CDH1: variants seen among roughly 807,000 people sequenced by gnomAD.
CDH1 encodes cadherin-1.
A neutral mutation model predicts 84.5 loss-of-function variants in CDH1; 35 were observed. The observed-to-expected ratio is 0.41, with a 90% CI of 0.32 to 0.55. CDH1 has a LOEUF of 0.55. CDH1 is among the 20% of genes least tolerant of loss of function. The probability of loss-of-function intolerance (pLI) is 0.19; values close to 1 mark genes in which losing one functional copy is unlikely to be tolerated. For missense variants in CDH1, 994 were observed against 1,126.6 expected (o/e 0.88, Z 1.68); for synonymous variants, 417 against 439.0 (o/e 0.95, Z 0.63).
rs952792970 is a variant in CDH1, at chr16:68,793,180, G to A, written c.164-8490G>A. Among the ~76,000 whole-genome samples, 8 of 151,590 alleles carry A rather than the reference G, an allele frequency of 5.3e-5. No homozygotes were observed. The South Asian group carries it at 1.5e-3, about 28-fold the overall frequency. On this transcript the variant is annotated intron_variant, in intron 2 of 15. Coordinates refer to ENST00000261769, the MANE Select transcript of CDH1 (RefSeq NM_004360.5). ...ACCTGCTTATCTTCCCTGGAAAAAT[G>A]TTGTGGTTGACGTTGGCAGTTTAGA...
chr16:68,798,153 T>G (rs1960412339), intron 2 of CDH1, among the ~76,000 whole-genome samples: 1 of 152,110 alleles, frequency 6.6e-6, no homozygotes, highest in Non-Finnish European at 1.5e-5. Flanking sequence ...TTGTTGGGAT[T>G]TGGTTTTTAC....
At chr16:68,807,727 A>G (rs1299403045) in intron 3 of CDH1, among the ~76,000 whole-genome samples, 2 of 151,994 alleles carry the variant, frequency 1.3e-5, no homozygotes, top group African/African-American at 4.8e-5. Context: ...GAAAACCCAA[A>G]TATTCAGTTG....
At chr16:68,786,330 C>A (rs1394484582) in intron 2 of CDH1, among the ~76,000 whole-genome samples, 1 of 151,886 alleles carries the variant, frequency 6.6e-6, no homozygotes, top group Non-Finnish European at 1.5e-5. Context: ...CGCCACCATG[C>A]CTGGCTTGTT....
rs780687025 is a variant in CDH1 at position 68,780,726 on chromosome 16, C to CTGGCTAGTA, written c.164-20943_164-20935dup. Among the ~76,000 whole-genome samples the CTGGCTAGTA allele has an allele frequency of 6.7e-4, 102 of 152,340 alleles. 1 individual carries two copies. The highest frequency in any genetic ancestry group is 3.4e-3 in the Middle Eastern group (1 of 294). On this transcript the variant is annotated intron_variant, in intron 2 of 15. Coordinates refer to ENST00000261769, the MANE Select transcript of CDH1 (RefSeq NM_004360.5). ...CCCATAACTTCATGCGTCTTCAAAG[C>CTGGCTAGTA]TGGCTAGTACTGCACCTCATTCTCG...
chr16:68,791,682 A>G (rs1036893881), intron 2 of CDH1, among the ~76,000 whole-genome samples: 2 of 152,132 alleles, frequency 1.3e-5, no homozygotes, highest in African/African-American at 4.8e-5. Flanking sequence ...TCGGCCTCCC[A>G]AAGTGCTGGG....
In CDH1 at chr16:68,801,902, G is replaced by C. The variant is rs1296702309; in HGVS notation, c.387+9G>C. On this transcript the variant is annotated intron_variant, in intron 3 of 15. Transcript: ENST00000261769. ...GCCCCCCGCCCCATCAGGTATGTTG[G>C]CATTTTTCTGAGAAGTTCGCTGTTG... 6.2e-7 allele frequency: 1 copy of C among 1,608,664 alleles called. No individual in the cohort carries two copies.
intron 2 of CDH1, among the ~76,000 whole-genome samples, chr16:68,759,637 G>A (rs868687405): frequency 5.3e-5 from 8 of 151,818 alleles, no homozygotes; most frequent in African/African-American, 1.2e-4. Context: ...TTACAGGCGC[G>A]TACCACCATG....
At chr16:68,829,842 C>T (rs1344736050) in intron 15 of CDH1, 45 bp downstream of exon 15, 8 of 1,590,564 alleles carry the variant, frequency 5.0e-6, no homozygotes, top group Non-Finnish European at 6.9e-6. Flanking sequence ...CATCTCTAAG[C>T]TCAGGAGGAG....
At chr16:68,751,519 T>TATTTATTC (rs1387868309) in intron 2 of CDH1, among the ~76,000 whole-genome samples, 1 of 152,084 alleles carries the variant, frequency 6.6e-6, no homozygotes, top group African/African-American at 2.4e-5. Flanking sequence ...TTTATTTATT[T>TATTTATTC]AGAGACGGAG....
At chr16:68,805,417 C>T (rs2152128458) in intron 3 of CDH1, among the ~76,000 whole-genome samples, 1 of 152,258 alleles carries the variant, frequency 6.6e-6, no homozygotes, top group Admixed American at 6.5e-5. Context: ...TGATGTTTTG[C>T]CAGCACAGTG....
chr16:68,780,583 G>T (rs1056832776), intron 2 of CDH1, among the ~76,000 whole-genome samples: 2 of 152,154 alleles, frequency 1.3e-5, no homozygotes, highest in African/African-American at 4.8e-5. Flanking sequence ...CGGCCACCAT[G>T]CCCAGCACCT....
chr16:68,792,387 G>A (rs564821192), intron 2 of CDH1, among the ~76,000 whole-genome samples: 2 of 152,044 alleles, frequency 1.3e-5, no homozygotes, highest in Non-Finnish European at 2.9e-5. Context: ...GCGCCACCAC[G>A]CCTGGCTAAT....
chr16:68,771,551 A>T (rs2152120827), intron 2 of CDH1, among the ~76,000 whole-genome samples: 1 of 152,136 alleles, frequency 6.6e-6, no homozygotes. Context: ...CAAGAGATCG[A>T]GACCATCCTG....
intron 14 of CDH1, 67 bp downstream of exon 14, chr16:68,828,371 G>C (rs2152141692): frequency 6.4e-7 from 1 of 1,556,156 alleles, no homozygotes; most frequent in Non-Finnish European, 8.9e-7. Flanking sequence ...TGATTAGTAA[G>C]AGGTAGGCAT....
chr16:68,752,168 T>G (rs1004498070), intron 2 of CDH1, among the ~76,000 whole-genome samples: 1 of 152,052 alleles, frequency 6.6e-6, no homozygotes, highest in African/African-American at 2.4e-5. Context: ...GCCAGGTTGG[T>G]CTTGAACTCC....
In CDH1 at chr16:68,828,436, A is replaced by C. The variant is rs1429559735; in HGVS notation, c.2295+132A>C. On this transcript the variant is annotated intron_variant, in intron 14 of 15. Transcript: ENST00000261769. ...TATCTTTTTAAGGCCTTACCCAAGA[A>C]AGTAGACATTGTCATTGACCATCAT... The C allele has an allele frequency of 1.6e-5, 13 of 838,544 alleles. No homozygotes were observed. In the East Asian group the frequency reaches 3.5e-4, roughly 22 times the overall value. 51.9% of individuals were successfully genotyped at this position (838,544 alleles called of 1,614,324 possible).
chr16:68,749,073 G>T (rs1380799091), intron 2 of CDH1, among the ~76,000 whole-genome samples: 2 of 152,290 alleles, frequency 1.3e-5, no homozygotes, highest in East Asian at 3.9e-4. Context: ...CTGACCTCAG[G>T]TGATCCACCT....
At position 68,746,948 on chromosome 16, in the gene CDH1, C is replaced by CAACA. The variant is rs201828383; in HGVS notation, c.163+8554_163+8557dup. Among the ~76,000 whole-genome samples, 954 of 152,126 alleles carry CAACA rather than the reference C, an allele frequency of 6.3e-3. 17 individuals carry two copies. Among genetic ancestry groups the CAACA allele is most frequent in the East Asian group, 0.046 (239 of 5,166 alleles). On this transcript the variant is annotated intron_variant, in intron 2 of 15. Coordinates refer to ENST00000261769, the MANE Select transcript of CDH1 (RefSeq NM_004360.5). The stretch of plus-strand genomic sequence containing the variant: ...TGGGCAACAGAGCGATACTCCATCT[C>CAACA]AACAAACAAACAAACAAACACACCA...
rs573737200 is a variant in CDH1 at position 68,760,119 on chromosome 16, G to A, written c.163+21708G>A. ...TTTTTTTTTAATTTTTTTTTTTTGAGATGAAATCTTGCTCTTGTCCCCCAG... is the reference window on the plus strand; with the variant it reads ...TTTTTTTTTAATTTTTTTTTTTTGAAATGAAATCTTGCTCTTGTCCCCCAG... On this transcript the variant is annotated intron_variant, in intron 2 of 15. Transcript: ENST00000261769. Among the ~76,000 whole-genome samples, 364 of 128,078 alleles carry A rather than the reference G, an allele frequency of 2.8e-3. 3 individuals are homozygous for A. Among genetic ancestry groups the A allele is most frequent in the African/African-American group, 9.8e-3 (349 of 35,598 alleles). 84.0% of individuals were successfully genotyped at this position (128,078 alleles called of 152,430 possible). A position where few individuals can be genotyped will look rare whatever the true frequency, so the allele number is the denominator to read the frequency against.
Sources: gnomAD v4.1 joint callset for allele counts (sites outside exome capture counted in the v4.1 genomes callset) on GRCh38, gnomAD v4.1.1 for gene constraint, MANE v1.5 for transcripts, NCBI Gene and HGNC (gene_info 2026-07-23, HGNC 2026-07-21) for gene names.